NXPH1: variants seen among roughly 807,000 people sequenced by gnomAD.
NXPH1 encodes neurexophilin 1.
A neutral mutation model predicts 23.7 loss-of-function variants in NXPH1; 5 were observed. The observed-to-expected ratio is 0.21, with a 90% CI of 0.11 to 0.44. NXPH1 has a LOEUF of 0.44. NXPH1 is among the 20% of genes least tolerant of loss of function. NXPH1 has a pLI of 0.99. For synonymous variants in NXPH1, 144 were observed against 122.2 expected (o/e 1.18, Z -1.18); for missense variants, 324 against 321.6 (o/e 1.01, Z -0.06).
chr7:8,714,288 G>A (rs1053691660), intron 2 of NXPH1, among the ~76,000 whole-genome samples: 2 of 150,572 alleles, frequency 1.3e-5, no homozygotes, highest in East Asian at 2.0e-4. Flanking sequence ...CTCTTTACTC[G>A]GCTTGTGGTG....
intron 2 of NXPH1, among the ~76,000 whole-genome samples, chr7:8,607,563 G>A (rs1326741175): frequency 1.3e-5 from 2 of 152,074 alleles, no homozygotes; most frequent in Non-Finnish European, 2.9e-5. Context: ...GAGAACTCAG[G>A]TTAACTCTGG....
At chr7:8,567,808 T>G (rs1010980463) in intron 2 of NXPH1, among the ~76,000 whole-genome samples, 3 of 151,814 alleles carry the variant, frequency 2.0e-5, no homozygotes, top group African/African-American at 7.3e-5. Context: ...GAACATATGG[T>G]CTTTCAGTGT....
At chr7:8,679,696 CACCCAAG>C in intron 2 of NXPH1, among the ~76,000 whole-genome samples, 1 of 152,316 alleles carries the variant, frequency 6.6e-6, no homozygotes, top group Non-Finnish European at 1.5e-5. Flanking sequence ...TGGCCTTAAT[CACCCAAG>C]TCTATTTGTT....
intron 2 of NXPH1, among the ~76,000 whole-genome samples, chr7:8,587,809 A>C (rs1819009850): frequency 6.6e-6 from 1 of 152,294 alleles, no homozygotes; most frequent in South Asian, 2.1e-4. Context: ...TGCAAAGGAC[A>C]TGAACTCATC....
At chr7:8,496,220 C>T (rs1341352642) in intron 2 of NXPH1, among the ~76,000 whole-genome samples, 1 of 151,958 alleles carries the variant, frequency 6.6e-6, no homozygotes, top group Non-Finnish European at 1.5e-5. Context: ...TACCCCTTAC[C>T]TCTCTTCACA....
intron 2 of NXPH1, among the ~76,000 whole-genome samples, chr7:8,472,865 T>A (rs1394614555): frequency 6.6e-6 from 1 of 152,198 alleles, no homozygotes; most frequent in Non-Finnish European, 1.5e-5. Flanking sequence ...TTTTAGCACC[T>A]AGTCCTGGCA....
At chr7:8,539,814 C>T (rs1818085131) in intron 2 of NXPH1, among the ~76,000 whole-genome samples, 1 of 151,724 alleles carries the variant, frequency 6.6e-6, no homozygotes, top group Admixed American at 6.6e-5. Context: ...TTTTACTATA[C>T]TTTTCTTACA....
intron 2 of NXPH1, among the ~76,000 whole-genome samples, chr7:8,450,232 A>C (rs1307019149): frequency 1.3e-5 from 2 of 152,322 alleles, no homozygotes; most frequent in South Asian, 4.1e-4. Context: ...CATATATACA[A>C]AGCATAAACT....
At chr7:8,589,704 A>T (rs1819052027) in intron 2 of NXPH1, among the ~76,000 whole-genome samples, 1 of 152,050 alleles carries the variant, frequency 6.6e-6, no homozygotes, top group Non-Finnish European at 1.5e-5. Context: ...CCAAATATGA[A>T]GTTGGGGCTG....
At chr7:8,715,368 C>T (rs1277707880) in intron 2 of NXPH1, among the ~76,000 whole-genome samples, 1 of 152,128 alleles carries the variant, frequency 6.6e-6, no homozygotes, top group African/African-American at 2.4e-5. Context: ...GTGCCTCTTT[C>T]AGTGATATGA....
intron 2 of NXPH1, among the ~76,000 whole-genome samples, chr7:8,546,726 C>G (rs1402771343): frequency 6.6e-6 from 1 of 151,382 alleles, no homozygotes; most frequent in Non-Finnish European, 1.5e-5. Flanking sequence ...CTTCCCTGCT[C>G]CATCCCCTAC....
At chr7:8,476,593 G>A (rs1000154148) in intron 2 of NXPH1, among the ~76,000 whole-genome samples, 1 of 151,278 alleles carries the variant, frequency 6.6e-6, no homozygotes, top group African/African-American at 2.4e-5. Context: ...TTTTAATGAT[G>A]TTTTTACACT....
chr7:8,507,790 C>G (rs1817554401), intron 2 of NXPH1, among the ~76,000 whole-genome samples: 1 of 152,106 alleles, frequency 6.6e-6, no homozygotes, highest in Non-Finnish European at 1.5e-5. Flanking sequence ...AATAAGCAGT[C>G]TTTCCTCAGC....
At chr7:8,549,027 TG>T (rs1224660379) in intron 2 of NXPH1, among the ~76,000 whole-genome samples, 2 of 151,540 alleles carry the variant, frequency 1.3e-5, no homozygotes, top group Non-Finnish European at 3.0e-5. Context: ...AGAACTCCTT[TG>T]TTTAATAATT....
chr7:8,608,730 A>G (rs1434757953), intron 2 of NXPH1, among the ~76,000 whole-genome samples: 1 of 152,006 alleles, frequency 6.6e-6, no homozygotes, highest in Non-Finnish European at 1.5e-5. Context: ...ACCACCACAA[A>G]CTTCACTTAA....
At chr7:8,740,549 T>G (rs527811763) in intron 2 of NXPH1, among the ~76,000 whole-genome samples, 1 of 152,342 alleles carries the variant, frequency 6.6e-6, no homozygotes, top group Non-Finnish European at 1.5e-5. Flanking sequence ...AAGCCCATTC[T>G]CTTAGTTCCT....
intron 2 of NXPH1, among the ~76,000 whole-genome samples, chr7:8,444,105 C>T (rs1210773509): frequency 6.6e-6 from 1 of 152,180 alleles, no homozygotes; most frequent in Non-Finnish European, 1.5e-5. Flanking sequence ...ATGTCAAAGG[C>T]GAAGGTTGGC....
intron 2 of NXPH1, among the ~76,000 whole-genome samples, chr7:8,739,368 CA>C (rs1322222575): frequency 6.6e-6 from 1 of 152,022 alleles, no homozygotes; most frequent in Admixed American, 6.6e-5. Context: ...CTTCAAGGCA[CA>C]TTCTCTCACA....
intron 2 of NXPH1, among the ~76,000 whole-genome samples, chr7:8,587,150 A>G (rs1375457684): frequency 6.6e-6 from 1 of 152,184 alleles, no homozygotes; most frequent in South Asian, 2.1e-4. Context: ...CTCAGGCACC[A>G]TGTTTCTCAT....
Sources: allele counts gnomAD v4.1 joint callset (sites outside exome capture counted in the v4.1 genomes callset), GRCh38; gene constraint gnomAD v4.1.1; transcripts MANE v1.5; gene names NCBI Gene and HGNC (gene_info 2026-07-23, HGNC 2026-07-21).